GRK6: variants seen among roughly 807,000 people sequenced by gnomAD.
The protein encoded by GRK6 is G protein-coupled receptor kinase 6.
Under a neutral mutation model 80.8 loss-of-function variants are expected in GRK6, and 37 were observed. The observed-to-expected ratio is 0.46, with a 90% CI of 0.35 to 0.60. The LOEUF (loss-of-function observed/expected upper bound fraction) is 0.60. GRK6 is among the 20% of genes least tolerant of loss of function. The probability of loss-of-function intolerance (pLI) is 0.00; values close to 1 mark genes in which losing one functional copy is unlikely to be tolerated. For missense variants in GRK6, 560 were observed against 784.6 expected (o/e 0.71, Z 3.42); for synonymous variants, 295 against 320.9 (o/e 0.92, Z 0.86).
At chr5:177,431,006 G>T in intron 2 of GRK6, 39 bp downstream of exon 2, 1 of 1,560,158 alleles carries the variant, frequency 6.4e-7, no homozygotes, top group Non-Finnish European at 8.8e-7. Context: ...TGAGGCGAGG[G>T]GCCCTGCTGG....
intron 15 of GRK6, 56 bp downstream of exon 15, chr5:177,441,109 G>A: frequency 1.3e-6 from 2 of 1,596,950 alleles, no homozygotes; most frequent in Non-Finnish European, 1.7e-6. Context: ...GGGACGGTGG[G>A]TGGGAGGCAG....
chr5:177,434,217 T>A, intron 9 of GRK6, 113 bp downstream of exon 9: 1 of 1,079,442 alleles, frequency 9.3e-7, no homozygotes, highest in Non-Finnish European at 1.3e-6. Context: ...AGAAGGACAT[T>A]GGTTTGGGGG....
At chr5:177,436,309 G>C in intron 12 of GRK6, 28 bp downstream of exon 12, 1 of 1,613,360 alleles carries the variant, frequency 6.2e-7, no homozygotes, top group Non-Finnish European at 8.5e-7. Flanking sequence ...AGCCTGGCCA[G>C]CCAGGGCTGG....
chr5:177,436,437 C>T lies in GRK6; in HGVS notation c.1311C>T (p.Gly437=). Residue 437 remains glycine, a synonymous_variant, in exon 13 of 16, where the codon GGC becomes GGT. Transcript: ENST00000355472. ...CCGAACGCCTGGGGTGTCGTGGGGGCAGTGCCCGCGAGGTGAAGGAGCACC... is the reference window on the plus strand; with the variant it reads ...CCGAACGCCTGGGGTGTCGTGGGGGTAGTGCCCGCGAGGTGAAGGAGCACC... The part of the protein sequence containing the change: ...DPAERLGCRG[G]SAREVKEHPL... 1 of 1,496,438 alleles carries T rather than the reference C, an allele frequency of 6.7e-7. No homozygotes were observed. Among genetic ancestry groups the T allele is most frequent in the Non-Finnish European group, 9.0e-7 (1 of 1,106,702 alleles). 92.7% of individuals were successfully genotyped at this position (1,496,438 alleles called of 1,614,324 possible). A position where few individuals can be genotyped will look rare whatever the true frequency, so the allele number is the denominator to read the frequency against.
intron 1 of GRK6, chr5:177,430,546 T>A (rs1239949668): frequency 1.4e-5 from 5 of 350,658 alleles, no homozygotes; most frequent in Non-Finnish European, 2.7e-5. Flanking sequence ...GTGACGTCCT[T>A]CTCCCCTTTC....
Position 177,429,451 on chromosome 5 carries a change from G to A in GRK6, c.53-1421G>A, listed in dbSNP as rs1207500485. On this transcript the variant is annotated intron_variant, in intron 1 of 15. Coordinates refer to ENST00000355472, the MANE Select transcript of GRK6 (RefSeq NM_001004106.3). This position sits in a 1 kb window ranked among gnomAD's most constrained non-coding sequence, Gnocchi z 4.3. Reference sequence around the variant, plus strand: ...AGGGTTGGGTGAGGGACCTGTGGGTGTGGGGGAGGAGTTCCCCTTCTGGGA... The same window carrying A: ...AGGGTTGGGTGAGGGACCTGTGGGTATGGGGGAGGAGTTCCCCTTCTGGGA... Among the ~76,000 whole-genome samples, 2 of 152,140 alleles carry A rather than the reference G, an allele frequency of 1.3e-5. No individual in the cohort carries two copies. Among genetic ancestry groups the A allele is most frequent in the Admixed American group, 6.5e-5 (1 of 15,278 alleles).
intron 8 of GRK6, 35 bp from the exon 9 acceptor site, chr5:177,433,879 C>A: frequency 6.5e-7 from 1 of 1,532,054 alleles, no homozygotes. Flanking sequence ...CGCCCCGCAG[C>A]TCCTGCCTGA....
At position 177,428,286 on chromosome 5, in the gene GRK6, T is replaced by C. The variant is rs1373363732; in HGVS notation, c.52+1389T>C. Among the ~76,000 whole-genome samples the C allele has an allele frequency of 6.6e-6, 1 of 152,284 alleles. No individual in the cohort carries two copies. The highest frequency in any genetic ancestry group is 1.5e-5 in the Non-Finnish European group (1 of 68,042). ...TAGCCAGTTAAGGCCTCAGGCCTGC[T>C]GATGGCACTGCCTGGCCGGAGAGTG... On this transcript the variant is annotated intron_variant, in intron 1 of 15. Coordinates refer to ENST00000355472, the MANE Select transcript of GRK6 (RefSeq NM_001004106.3). This position sits in a 1 kb window ranked among gnomAD's most constrained non-coding sequence, Gnocchi z 4.1.
rs1481738231 is a variant in GRK6 at position 177,426,743 on chromosome 5, G to A, written c.-103G>A. 10 of 613,390 alleles carry A rather than the reference G, an allele frequency of 1.6e-5. No individual in the cohort carries two copies. Among genetic ancestry groups the A allele is most frequent in the African/African-American group, 1.2e-4 (6 of 49,670 alleles). 38.0% of individuals were successfully genotyped at this position (613,390 alleles called of 1,614,324 possible). A position where few individuals can be genotyped will look rare whatever the true frequency, so the allele number is the denominator to read the frequency against. ...GGCCGCGGCGCGGTCACTGCGAGCC[G>A]AGCCGAGCCGCGCCGAGCCGCGCCG... On this transcript the variant is annotated 5_prime_UTR_variant, in exon 1 of 16. Transcript: ENST00000355472.
intron 11 of GRK6, 130 bp from the exon 12 acceptor site, chr5:177,435,943 T>C: frequency 1.4e-6 from 1 of 737,666 alleles, no homozygotes; most frequent in Non-Finnish European, 2.3e-6. Context: ...TGTGCTCTCC[T>C]ACTGGCCAAG....
intron 2 of GRK6, 98 bp downstream of exon 2, chr5:177,431,065 C>A: frequency 1.1e-6 from 1 of 930,740 alleles, no homozygotes; most frequent in Non-Finnish European, 1.7e-6. Flanking sequence ...GAGGGGCAGA[C>A]TTGGGGGCTC....
intron 15 of GRK6, 118 bp from the exon 16 acceptor site, chr5:177,441,619 C>T (rs1263807697): frequency 2.3e-6 from 2 of 866,884 alleles, no homozygotes; most frequent in Admixed American, 1.7e-5. Flanking sequence ...CCCCAGAGTG[C>T]ACCCCTCAGG....
chr5:177,429,090 G>T lies in GRK6; in HGVS notation c.53-1782G>T, dbSNP rs572285413. Among the ~76,000 whole-genome samples, 1 of 152,222 alleles carries T rather than the reference G, an allele frequency of 6.6e-6. No individual in the cohort carries two copies. Among genetic ancestry groups the T allele is most frequent in the South Asian group, 2.1e-4 (1 of 4,820 alleles). ...TGGTCTCTGGGCTTGGTCATCTTGG[G>T]TATACTCTGGGCTTGGTCATCTTGG... On this transcript the variant is annotated intron_variant, in intron 1 of 15. Transcript: ENST00000355472. The surrounding 1 kb of genome is among the most constrained non-coding windows in gnomAD (Gnocchi z 4.3).
rs547540433 is a variant in GRK6 at position 177,430,887 on chromosome 5, G to A, written c.68G>A (p.Arg23His). The A allele has an allele frequency of 5.0e-6, 8 of 1,614,046 alleles. No homozygotes were observed. Among genetic ancestry groups the A allele is most frequent in the Admixed American group, 1.7e-5 (1 of 60,024 alleles). Reference protein sequence around the residue: ...LKAREGGGGNRKGKSKKWRQM... With the variant: ...LKAREGGGGNHKGKSKKWRQM... ...GCTCCCACAGGTGGCGGTGGAAATC[G>A]CAAAGGCAAAAGCAAGAAATGGCGG... is the stretch of plus-strand genomic sequence containing the variant. Residue 23 changes from arginine (R) to histidine (H), a missense_variant, in exon 2 of 16, where the codon CGC becomes CAC. Physicochemically the swap from Arg to His is conservative, Grantham distance 29. Transcript: ENST00000355472.
At chr5:177,432,171 C>T in intron 3 of GRK6, 62 bp from the exon 4 acceptor site, 3 of 1,609,760 alleles carry the variant, frequency 1.9e-6, no homozygotes, top group Middle Eastern at 3.3e-4. Flanking sequence ...ATGTGCCCCT[C>T]CTCCCCACAC....
At chr5:177,430,696 A>G in intron 1 of GRK6, 176 bp from the exon 2 acceptor site, 1 of 610,054 alleles carries the variant, frequency 1.6e-6, no homozygotes, top group Non-Finnish European at 3.0e-6. Flanking sequence ...CAGGAGAAGC[A>G]CGTGTGTCCT....
In GRK6 at chr5:177,442,167, T is replaced by C; in HGVS notation, c.*377T>C. On this transcript the variant is annotated 3_prime_UTR_variant, in exon 16 of 16. Coordinates refer to ENST00000355472, the MANE Select transcript of GRK6 (RefSeq NM_001004106.3). ...GAGCGGGAGCTGGCAGAGGAGCCAC[T>C]GCCAAACTCAAGGCTCCTCTGGCCC... The C allele has an allele frequency of 3.6e-6, 1 of 281,414 alleles. No homozygotes were observed. The highest frequency in any genetic ancestry group is 6.7e-6 in the Non-Finnish European group (1 of 148,548). 17.4% of individuals were successfully genotyped at this position (281,414 alleles called of 1,614,324 possible). A position where few individuals can be genotyped will look rare whatever the true frequency, so the allele number is the denominator to read the frequency against.
intron 1 of GRK6, 38 bp from the exon 2 acceptor site, chr5:177,430,834 A>G (rs1376980186): frequency 1.3e-6 from 2 of 1,579,402 alleles, no homozygotes; most frequent in East Asian, 2.2e-5. Flanking sequence ...GTTCTGAGGC[A>G]GTGGGACTCG....
chr5:177,436,301 C>T lies in GRK6; in HGVS notation c.1266+20C>T. 1.9e-6 allele frequency: 3 copies of T among 1,613,632 alleles called. No homozygotes were observed. The highest frequency in any genetic ancestry group is 2.5e-6 in the Non-Finnish European group (3 of 1,179,762). The stretch of plus-strand genomic sequence containing the variant: ...TCACAGGTACGGCAGCTCACAGAAG[C>T]CTGGCCAGCCAGGGCTGGGGTGGAT... On this transcript the variant is annotated intron_variant, in intron 12 of 15. Transcript: ENST00000355472.
Sources: allele counts gnomAD v4.1 joint callset (sites outside exome capture counted in the v4.1 genomes callset), GRCh38; gene constraint gnomAD v4.1.1; non-coding constraint Gnocchi (gnomAD v3.1); transcripts MANE v1.5; gene names NCBI Gene and HGNC (gene_info 2026-07-23, HGNC 2026-07-21).